GRID1: variants seen among roughly 807,000 people sequenced by gnomAD.
The protein encoded by GRID1 is glutamate ionotropic receptor delta type subunit 1, also known as glutamate receptor ionotropic, delta-1.
GRID1 carries 28 observed loss-of-function variants against 98.0 expected under a neutral mutation model. The ratio of observed to expected loss-of-function variants is 0.29; its 90% confidence interval spans 0.21 to 0.39. The LOEUF (loss-of-function observed/expected upper bound fraction) is 0.39, where lower values mean the gene tolerates loss of function less well. GRID1 is among the 10% of genes least tolerant of loss of function. The pLI is 1.00. For missense variants in GRID1, 1,111 were observed against 1,340.5 expected, an observed-to-expected ratio of 0.83 and a Z score of 2.67; for synonymous variants, 553 against 538.5, an observed-to-expected ratio of 1.03 and a Z score of -0.37.
At chr10:85,885,555 T>C (rs1271016978) in intron 5 of GRID1, among the ~76,000 whole-genome samples, 1 of 152,198 alleles carries the variant, frequency 6.6e-6, no homozygotes, top group Non-Finnish European at 1.5e-5. Context: ...ACAATAAAAA[T>C]GATGATAATA....
At chr10:85,613,801 C>A (rs778708978) in intron 14 of GRID1, among the ~76,000 whole-genome samples, 154 bp from the exon 15 acceptor site, 29 of 152,246 alleles carry the variant, frequency 1.9e-4, no homozygotes, top group Non-Finnish European at 4.1e-4. Flanking sequence ...CCAGTCTACT[C>A]TCCACACTGC....
chr10:85,630,260 C>T (rs946613067), intron 13 of GRID1, among the ~76,000 whole-genome samples: 2 of 152,186 alleles, frequency 1.3e-5, no homozygotes, highest in Non-Finnish European at 2.9e-5. Flanking sequence ...TCTTTAGCAT[C>T]CTTGGCCAGC....
chr10:85,971,201 T>A (rs1326712276), intron 4 of GRID1, among the ~76,000 whole-genome samples: 3 of 151,946 alleles, frequency 2.0e-5, no homozygotes, highest in Admixed American at 2.0e-4. Flanking sequence ...CAGCTTCAGA[T>A]CTAAATGTAA....
chr10:85,639,241 CA>C (rs71487225), intron 13 of GRID1, among the ~76,000 whole-genome samples: 1 of 151,968 alleles, frequency 6.6e-6, no homozygotes, highest in Non-Finnish European at 1.5e-5. Context: ...CCCACACACA[CA>C]AAAAAAGAAG....
intron 8 of GRID1, among the ~76,000 whole-genome samples, chr10:85,822,487 G>A (rs1235030579): frequency 6.6e-6 from 1 of 152,142 alleles, no homozygotes; most frequent in Non-Finnish European, 1.5e-5. Flanking sequence ...ACCACAATGA[G>A]ATACCATCTC....
chr10:85,951,805 G>A (rs1409942587), intron 4 of GRID1, among the ~76,000 whole-genome samples: 1 of 152,084 alleles, frequency 6.6e-6, no homozygotes, highest in Non-Finnish European at 1.5e-5. Flanking sequence ...AGTAATCAAA[G>A]CCCAGAGGTG....
At chr10:86,123,390 T>A (rs532171147) in intron 4 of GRID1, among the ~76,000 whole-genome samples, 22 of 152,104 alleles carry the variant, frequency 1.4e-4, no homozygotes, top group African/African-American at 5.3e-4. Context: ...TGTCAGTGAG[T>A]CCTTTATGGT....
intron 5 of GRID1, among the ~76,000 whole-genome samples, chr10:85,907,085 G>T (rs1038290079): frequency 5.9e-5 from 9 of 152,150 alleles, no homozygotes; most frequent in African/African-American, 9.7e-5. Flanking sequence ...GGGATATTAT[G>T]AACTTCATAC....
chr10:86,355,433 G>T (rs1226921435), intron 2 of GRID1, among the ~76,000 whole-genome samples: 2 of 152,250 alleles, frequency 1.3e-5, no homozygotes, highest in African/African-American at 4.8e-5. Flanking sequence ...AAACTGGAAA[G>T]ATGGGGCCAT....
intron 2 of GRID1, among the ~76,000 whole-genome samples, chr10:86,259,872 C>G (rs1183320914): frequency 6.6e-6 from 1 of 152,272 alleles, no homozygotes; most frequent in South Asian, 2.1e-4. Context: ...AGCAGTCCCT[C>G]TGAAGGTTCC....
intron 4 of GRID1, among the ~76,000 whole-genome samples, chr10:86,065,770 A>G (rs1452573118): frequency 6.6e-6 from 1 of 152,228 alleles, no homozygotes; most frequent in Non-Finnish European, 1.5e-5. Flanking sequence ...GATGGTGACA[A>G]TCAAATGCTT....
At chr10:85,935,970 C>A (rs1419826383) in intron 4 of GRID1, among the ~76,000 whole-genome samples, 1 of 152,204 alleles carries the variant, frequency 6.6e-6, no homozygotes. Context: ...TGTGCCAGAG[C>A]CAGTGTATGA....
intron 4 of GRID1, among the ~76,000 whole-genome samples, chr10:86,024,636 C>T (rs1843093322): frequency 6.6e-6 from 1 of 152,184 alleles, no homozygotes; most frequent in Non-Finnish European, 1.5e-5. Context: ...AAGTTAGTTT[C>T]CCTTGTTCTG....
At chr10:86,109,914 T>C (rs1388172393) in intron 4 of GRID1, among the ~76,000 whole-genome samples, 1 of 151,502 alleles carries the variant, frequency 6.6e-6, no homozygotes, top group African/African-American at 2.4e-5. Flanking sequence ...AAGAAAAAAA[T>C]GCATGTCAAG....
intron 8 of GRID1, among the ~76,000 whole-genome samples, chr10:85,789,372 G>A (rs1053594225): frequency 6.6e-5 from 10 of 152,082 alleles, no homozygotes; most frequent in African/African-American, 2.2e-4. Flanking sequence ...GTGTGGAGAG[G>A]ACCTGTGAGC....
intron 4 of GRID1, among the ~76,000 whole-genome samples, chr10:86,089,823 T>G (rs1368117062): frequency 6.6e-6 from 1 of 152,004 alleles, no homozygotes; most frequent in Non-Finnish European, 1.5e-5. Flanking sequence ...CTCGGCTCAC[T>G]GCAACCTCCA....
At chr10:85,725,780 T>C in intron 10 of GRID1, among the ~76,000 whole-genome samples, 1 of 152,214 alleles carries the variant, frequency 6.6e-6, no homozygotes, top group East Asian at 1.9e-4. Flanking sequence ...GATATACTCA[T>C]GTCCTAAACA....
chr10:86,072,679 T>G (rs907928111), intron 4 of GRID1, among the ~76,000 whole-genome samples: 1 of 152,172 alleles, frequency 6.6e-6, no homozygotes, highest in Non-Finnish European at 1.5e-5. Flanking sequence ...ATCTCTCCTT[T>G]TTAACGTCAG....
At chr10:85,926,938 C>G (rs1186957678) in intron 4 of GRID1, among the ~76,000 whole-genome samples, 1 of 152,176 alleles carries the variant, frequency 6.6e-6, no homozygotes, top group Non-Finnish European at 1.5e-5. Context: ...GTAAAGAACC[C>G]TGTATCTGTT....
Sources: gnomAD v4.1 joint callset for allele counts (sites outside exome capture counted in the v4.1 genomes callset) on GRCh38, gnomAD v4.1.1 for gene constraint, MANE v1.5 for transcripts, NCBI Gene and HGNC (gene_info 2026-07-23, HGNC 2026-07-21) for gene names.